The following NOSTRIN variants were observed in gnomAD, a reference collection of about 807,000 sequenced individuals.
The protein encoded by NOSTRIN is BM247 homolog.
A neutral mutation model predicts 59.0 loss-of-function variants in NOSTRIN; 63 were observed. That is an observed-to-expected ratio of 1.07 (90% CI 0.87 to 1.32). The LOEUF (loss-of-function observed/expected upper bound fraction) is 1.32. Ranked by LOEUF, NOSTRIN falls within the 40% of genes most tolerant of loss-of-function variation. The pLI, the probability that NOSTRIN is intolerant of heterozygous loss-of-function variation, is 0.00. For missense variants in NOSTRIN, 512 were observed against 473.1 expected (o/e 1.08, Z -0.76); for synonymous variants, 200 against 165.4 (o/e 1.21, Z -1.61).
chr2:168,834,426 G>A lies in NOSTRIN; in HGVS notation c.504+101G>A, dbSNP rs1574296676. On this transcript the variant is annotated intron_variant, in intron 7 of 15. Transcript: ENST00000317647. Reference sequence around the variant, plus strand: ...AGAACGGGTTGATTCCTCCTTCTCTGTGGGATTCCTGCAGAGATGTAGCTT... The same window carrying A: ...AGAACGGGTTGATTCCTCCTTCTCTATGGGATTCCTGCAGAGATGTAGCTT... 3.4e-5 allele frequency: 23 copies of A among 685,774 alleles called. 1 individual carries two copies. In the South Asian group the frequency reaches 3.9e-4, roughly 11 times the overall value. The allele number at this position is 685,774 out of a possible 1,614,324, so 42.5% of individuals were successfully genotyped here.
At chr2:168,786,773 T>G (rs960007227) in intron 1 of NOSTRIN, 1 of 152,334 alleles carries the variant, frequency 6.6e-6, no homozygotes, top group Admixed American at 6.5e-5. Context: ...ACTTTCACTC[T>G]TGCTCTAAAA....
chr2:168,798,695 T>G (rs1219051801), upstream of NOSTRIN, among the ~76,000 whole-genome samples: 1 of 152,138 alleles, frequency 6.6e-6, no homozygotes, highest in East Asian at 1.9e-4. Context: ...GTCAGAAATG[T>G]AGGACCAGAG....
At chr2:168,834,196 T>C (rs1205840974) in intron 6 of NOSTRIN, 31 bp from the exon 7 acceptor site, 10 of 863,504 alleles carry the variant, frequency 1.2e-5, no homozygotes, top group Non-Finnish European at 1.8e-5. Flanking sequence ...CTCTGCTCCT[T>C]TTTTTCTTGT....
chr2:168,851,667 G>A (rs975528399), intron 10 of NOSTRIN, among the ~76,000 whole-genome samples: 1 of 152,162 alleles, frequency 6.6e-6, no homozygotes, highest in Admixed American at 6.5e-5. Context: ...AGTAGTGCCA[G>A]GCAGACATGT....
chr2:168,807,537 G>C (rs1187275647), intron 1 of NOSTRIN, among the ~76,000 whole-genome samples: 1 of 152,144 alleles, frequency 6.6e-6, no homozygotes, highest in Non-Finnish European at 1.5e-5. Context: ...TAGGATCAAG[G>C]GTAAAGATTC....
At chr2:168,801,409 A>G (rs1333629196), upstream of NOSTRIN, among the ~76,000 whole-genome samples, 2 of 150,562 alleles carry the variant, frequency 1.3e-5, no homozygotes, top group Non-Finnish European at 3.0e-5. Flanking sequence ...TTATAGAGAT[A>G]GGAATCTCCT....
intron 7 of NOSTRIN, 111 bp downstream of exon 7, chr2:168,834,436 T>C (rs1687553973): frequency 3.0e-6 from 2 of 662,126 alleles, no homozygotes; most frequent in South Asian, 3.5e-5. Context: ...GTGGGATTCC[T>C]GCAGAGATGT....
intron 5 of NOSTRIN, among the ~76,000 whole-genome samples, chr2:168,830,230 A>G (rs1240215419): frequency 6.6e-6 from 1 of 152,238 alleles, no homozygotes; most frequent in East Asian, 1.9e-4. Flanking sequence ...AATGAGGCAC[A>G]GTGCTGTGAC....
intron 14 of NOSTRIN, 47 bp from the exon 15 acceptor site, chr2:168,861,913 A>G: frequency 6.5e-7 from 1 of 1,548,624 alleles, no homozygotes; most frequent in Non-Finnish European, 8.9e-7. Context: ...GCTCATATTC[A>G]TTTGCCTGCT....
chr2:168,823,722 A>G (rs1429652187), intron 2 of NOSTRIN, among the ~76,000 whole-genome samples: 1 of 152,196 alleles, frequency 6.6e-6, no homozygotes, highest in Non-Finnish European at 1.5e-5. Flanking sequence ...TAGGACTTCA[A>G]CTTCTTCTTG....
upstream of NOSTRIN, among the ~76,000 whole-genome samples, chr2:168,801,754 G>C (rs1038056675): frequency 6.6e-6 from 1 of 152,186 alleles, no homozygotes; most frequent in African/African-American, 2.4e-5. Context: ...GAAATCTAAT[G>C]ATTGGCAACT....
intron 5 of NOSTRIN, among the ~76,000 whole-genome samples, chr2:168,830,512 A>G (rs548570203): frequency 9.2e-5 from 14 of 152,354 alleles, no homozygotes; most frequent in African/African-American, 3.4e-4. Context: ...CAACTGGAAA[A>G]AAATGAAAGT....
At chr2:168,798,978 A>G (rs2105508535), upstream of NOSTRIN, among the ~76,000 whole-genome samples, 1 of 152,260 alleles carries the variant, frequency 6.6e-6, no homozygotes, top group Non-Finnish European at 1.5e-5. Context: ...CACACCTAGA[A>G]GCAATCATGT....
intron 2 of NOSTRIN, among the ~76,000 whole-genome samples, chr2:168,818,876 A>T (rs1309479823): frequency 6.6e-6 from 1 of 152,178 alleles, no homozygotes; most frequent in Non-Finnish European, 1.5e-5. Flanking sequence ...GGTATATAGT[A>T]GGTGTATATA....
In NOSTRIN at chr2:168,837,867, A is replaced by G. The variant is rs115244107; in HGVS notation, c.504+3542A>G. ...TCTTCTTTTCACTTTAGTAACAACT[A>G]ATGCTTTTATTTTCCTCCTACTTTC... On this transcript the variant is annotated intron_variant, in intron 7 of 15. Coordinates refer to ENST00000317647, the MANE Select transcript of NOSTRIN (RefSeq NM_001039724.4). Among the ~76,000 whole-genome samples, 1,444 of 152,262 alleles carry G rather than the reference A, an allele frequency of 9.5e-3. 20 individuals are homozygous for G. Among genetic ancestry groups the G allele is most frequent in the African/African-American group, 0.033 (1,352 of 41,542 alleles).
intron 13 of NOSTRIN, 75 bp downstream of exon 13, chr2:168,859,712 CA>C: frequency 1.3e-6 from 2 of 1,525,088 alleles, no homozygotes; most frequent in South Asian, 2.5e-5. Context: ...AGCATCAGGG[CA>C]AAAAAGGTGT....
At chr2:168,795,683 C>T (rs888892906), upstream of NOSTRIN, among the ~76,000 whole-genome samples, 2 of 152,126 alleles carry the variant, frequency 1.3e-5, no homozygotes, top group African/African-American at 4.8e-5. Flanking sequence ...TTAATTATGA[C>T]CATTTGGGCT....
intron 8 of NOSTRIN, 58 bp from the exon 9 acceptor site, chr2:168,851,026 G>C: frequency 9.9e-7 from 1 of 1,009,666 alleles, no homozygotes; most frequent in Non-Finnish European, 1.6e-6. Context: ...TGTTTGATGA[G>C]TGACTTCCAT....
chr2:168,806,365 G>C (rs980728436), intron 1 of NOSTRIN, among the ~76,000 whole-genome samples: 10 of 152,152 alleles, frequency 6.6e-5, no homozygotes, highest in African/African-American at 2.4e-4. Context: ...CAAGCAGAAA[G>C]AGCAGGTGGG....
Sources: allele counts gnomAD v4.1 joint callset (sites outside exome capture counted in the v4.1 genomes callset), GRCh38; gene constraint gnomAD v4.1.1; transcripts MANE v1.5; gene names NCBI Gene and HGNC (gene_info 2026-07-23, HGNC 2026-07-21).